The following DGKB variants were observed in gnomAD, a reference collection of about 807,000 sequenced individuals.
The protein encoded by DGKB is 90 kDa diacylglycerol kinase.
Under a neutral mutation model 114.3 loss-of-function variants are expected in DGKB, and 67 were observed. The ratio of observed to expected loss-of-function variants is 0.59; its 90% CI spans 0.48 to 0.72. The LOEUF is 0.72. DGKB is among the 30% of genes least tolerant of loss of function. The pLI, the probability that DGKB is intolerant of heterozygous loss-of-function variation, is 0.00. For missense variants in DGKB, 907 were observed against 975.2 expected, an observed-to-expected ratio of 0.93 and a Z score of 0.93; for synonymous variants, 398 against 323.1, an observed-to-expected ratio of 1.23 and a Z score of -2.49.
At chr7:14,241,850 T>G (rs17168005) in intron 23 of DGKB, among the ~76,000 whole-genome samples, 141 of 151,872 alleles carry the variant, frequency 9.3e-4, no homozygotes, top group African/African-American at 3.3e-3. Context: ...AGAAAATATC[T>G]CACAATAAAT....
chr7:14,508,348 C>T (rs1191664599), intron 20 of DGKB, among the ~76,000 whole-genome samples: 4 of 152,124 alleles, frequency 2.6e-5, no homozygotes, highest in Admixed American at 1.3e-4. Flanking sequence ...TCTGTGAACG[C>T]ATAAAATGAA....
At chr7:14,177,625 A>G (rs2128245370) in intron 24 of DGKB, among the ~76,000 whole-genome samples, 1 of 151,948 alleles carries the variant, frequency 6.6e-6, no homozygotes, top group African/African-American at 2.4e-5. Flanking sequence ...AAAAGTTAAA[A>G]TTTAAAACAT....
At position 14,414,178 on chromosome 7, in the gene DGKB, T is replaced by C. The variant is rs533447435; in HGVS notation, c.1835+63983A>G. Among the ~76,000 whole-genome samples the C allele has an allele frequency of 1.6e-4, 24 of 152,212 alleles. No homozygotes were observed. The South Asian group carries it at 5.0e-3, about 32-fold the overall frequency. On this transcript the variant is annotated intron_variant, in intron 21 of 25. Transcript: ENST00000402815. ...GAGGGATCTATATACCCTTTACAAATGTCTGGAGCTTAGAAGGTGAACAAT... is the reference window on the plus strand; with the variant it reads ...GAGGGATCTATATACCCTTTACAAACGTCTGGAGCTTAGAAGGTGAACAAT...
chr7:14,590,391 T>G (rs1223549847), intron 17 of DGKB, among the ~76,000 whole-genome samples: 1 of 152,124 alleles, frequency 6.6e-6, no homozygotes, highest in African/African-American at 2.4e-5. Flanking sequence ...GCTAACTGTT[T>G]CTGGTGAAAG....
At position 14,227,883 on chromosome 7, in the gene DGKB, G is replaced by A. The variant is rs545048604; in HGVS notation, c.2123-49732C>T. On this transcript the variant is annotated intron_variant, in intron 23 of 25. Transcript: ENST00000402815. ...AGATCATATCTATGTTCAGAATTCT[G>A]AATGACTATGTATGCCACAAGAAAA... Among the ~76,000 whole-genome samples the A allele has an allele frequency of 2.0e-5, 3 of 152,074 alleles. No individual in the cohort carries two copies. In the South Asian group the frequency reaches 6.2e-4, roughly 32 times the overall value.
At chr7:14,428,380 T>C (rs1827904297) in intron 21 of DGKB, among the ~76,000 whole-genome samples, 1 of 152,110 alleles carries the variant, frequency 6.6e-6, no homozygotes, top group Non-Finnish European at 1.5e-5. Flanking sequence ...GTTTTATCTT[T>C]GTGTCACTAT....
intron 9 of DGKB, 45 bp downstream of exon 9, chr7:14,694,030 C>G (rs557611640): frequency 1.3e-6 from 2 of 1,549,408 alleles, no homozygotes; most frequent in East Asian, 4.8e-5. Flanking sequence ...ATAGAGAGCC[C>G]CACTGACTCA....
intron 23 of DGKB, among the ~76,000 whole-genome samples, chr7:14,318,895 C>T (rs937545746): frequency 3.3e-5 from 5 of 152,186 alleles, no homozygotes; most frequent in African/African-American, 9.6e-5. Flanking sequence ...CCCAAATGTC[C>T]CACAATGATA....
chr7:14,378,572 G>A (rs1818867333), intron 21 of DGKB, among the ~76,000 whole-genome samples: 1 of 152,088 alleles, frequency 6.6e-6, no homozygotes, highest in African/African-American at 2.4e-5. Context: ...TTAAATCCCA[G>A]AGAATGATAC....
chr7:14,168,872 T>C (rs1223493273), intron 25 of DGKB, among the ~76,000 whole-genome samples: 1 of 152,214 alleles, frequency 6.6e-6, no homozygotes, highest in East Asian at 1.9e-4. Flanking sequence ...AAGCTTGGCA[T>C]TGAAGGAAGA....
intron 20 of DGKB, among the ~76,000 whole-genome samples, chr7:14,502,345 T>A (rs1280800432): frequency 1.3e-5 from 2 of 151,914 alleles, no homozygotes; most frequent in African/African-American, 4.8e-5. Flanking sequence ...TTTTAGAATT[T>A]TATCCCCAAC....
At chr7:14,196,112 C>T (rs949500013) in intron 23 of DGKB, among the ~76,000 whole-genome samples, 2 of 152,070 alleles carry the variant, frequency 1.3e-5, no homozygotes, top group African/African-American at 2.4e-5. Flanking sequence ...AGGCTCTGCA[C>T]AACAGGAATG....
intron 17 of DGKB, among the ~76,000 whole-genome samples, chr7:14,606,609 A>AT (rs1804557180): frequency 6.6e-6 from 1 of 151,992 alleles, no homozygotes; most frequent in African/African-American, 2.4e-5. Flanking sequence ...TAAAAAAAAA[A>AT]AATGAAGCAT....
intron 21 of DGKB, among the ~76,000 whole-genome samples, chr7:14,360,152 T>C (rs1815420737): frequency 1.3e-5 from 2 of 152,118 alleles, no homozygotes; most frequent in Non-Finnish European, 2.9e-5. Flanking sequence ...GATGAGTTCA[T>C]GTCCTTTGCA....
chr7:14,801,259 C>G (rs1026732529), intron 2 of DGKB, among the ~76,000 whole-genome samples: 1 of 152,086 alleles, frequency 6.6e-6, no homozygotes, highest in African/African-American at 2.4e-5. Context: ...CAGTTGTATG[C>G]AGGATAGTTG....
intron 6 of DGKB, among the ~76,000 whole-genome samples, chr7:14,711,005 C>T (rs896907836): frequency 6.6e-6 from 1 of 152,002 alleles, no homozygotes; most frequent in Non-Finnish European, 1.5e-5. Flanking sequence ...GCTTCCTTCT[C>T]CCAAATATTT....
At chr7:14,164,697 G>C (rs1666408636) in intron 25 of DGKB, among the ~76,000 whole-genome samples, 2 of 152,030 alleles carry the variant, frequency 1.3e-5, no homozygotes, top group Admixed American at 1.3e-4. Context: ...TAACACTTTG[G>C]CCGAATTTCA....
chr7:14,407,661 T>C (rs1368122517), intron 21 of DGKB, among the ~76,000 whole-genome samples: 1 of 152,040 alleles, frequency 6.6e-6, no homozygotes. Context: ...AAAACTGAAA[T>C]TAATAAGAGG....
chr7:14,678,604 A>G (rs1820289334), intron 12 of DGKB, among the ~76,000 whole-genome samples: 1 of 152,066 alleles, frequency 6.6e-6, no homozygotes, highest in Non-Finnish European at 1.5e-5. Flanking sequence ...CTAAAAACCA[A>G]CTTGATGCAA....
Sources: allele counts gnomAD v4.1 joint callset (sites outside exome capture counted in the v4.1 genomes callset), GRCh38; gene constraint gnomAD v4.1.1; transcripts MANE v1.5; gene names NCBI Gene and HGNC (gene_info 2026-07-23, HGNC 2026-07-21).